Variants in IK observed in about 807,000 individuals in gnomAD.
The protein encoded by IK is IK cytokine, also known as protein Red.
IK carries 47 observed loss-of-function variants against 90.9 expected under a neutral mutation model. The ratio of observed to expected loss-of-function variants is 0.52; its 90% CI spans 0.41 to 0.66. The LOEUF (loss-of-function observed/expected upper bound fraction) is 0.66, where lower values mean the gene tolerates loss of function less well. Among genes scored for constraint, IK ranks in the 30% least tolerant of loss-of-function variants. The pLI is 0.00. For missense variants in IK, 385 were observed against 709.3 expected (o/e 0.54, Z 5.19); for synonymous variants, 201 against 227.5 (o/e 0.88, Z 1.05).
chr5:140,654,776 C>T (rs370880965), intron 8 of IK, 49 bp downstream of exon 8: 57 of 1,215,066 alleles, frequency 4.7e-5, no homozygotes, highest in African/African-American at 1.4e-4. Flanking sequence ...ATGAATTGTA[C>T]GGAATTTAAT....
chr5:140,657,662 G>A lies in IK; in HGVS notation c.910G>A (p.Gly304Arg). 6.3e-7 allele frequency: 1 copy of A among 1,593,174 alleles called. No individual in the cohort carries two copies. The highest frequency in any genetic ancestry group is 8.6e-7 in the Non-Finnish European group (1 of 1,161,826). The part of the protein sequence containing the change: ...RNKKLKKKDK[G>R]KLEEKKPPEA... ...CAAGAAGCTTAAGAAGAAGGATAAA[G>A]GTACCTGGAGGGTTAGAGAGAGAAG... The change falls in exon 10 of 20, where the codon GGG becomes AGG. Residue 304 changes from glycine (G) to arginine (R), a missense_variant and splice_region_variant. Around this residue, in one of 8 missense-constraint regions of IK, gnomAD observed 139 missense variants for 172.0 expected, o/e 0.81. Coordinates refer to ENST00000417647, the MANE Select transcript of IK (RefSeq NM_006083.4).
rs1177181637 is a variant in IK at position 140,649,213 on chromosome 5, C to CT, written c.83+691dup. 8.9e-3 allele frequency among the ~76,000 whole-genome samples: 1,180 copies of CT among 132,456 alleles called. 4 individuals carry two copies. The highest frequency in any genetic ancestry group is 0.033 in the East Asian group (149 of 4,500). The allele number at this position is 132,456 out of a possible 152,430, so 86.9% of individuals were successfully genotyped here. Reference sequence around the variant, plus strand: ...TTTTTTCTTTTCTTTTCTTTTCTTTCTTTTTTTTTTTTTTTGAGACGGAGT... The same window carrying CT: ...TTTTTTCTTTTCTTTTCTTTTCTTTCTTTTTTTTTTTTTTTTGAGACGGAGT... On this transcript the variant is annotated intron_variant, in intron 2 of 19. Coordinates refer to ENST00000417647, the MANE Select transcript of IK (RefSeq NM_006083.4).
Position 140,648,351 on chromosome 5 carries a change from G to C in IK, c.17-120G>C, listed in dbSNP as rs1757532351. 3.4e-6 allele frequency: 3 copies of C among 889,468 alleles called. No individual in the cohort carries two copies. In the Admixed American group the frequency reaches 5.2e-5, roughly 15 times the overall value. The allele number at this position is 889,468 out of a possible 1,614,324, so 55.1% of individuals were successfully genotyped here. A position where few individuals can be genotyped will look rare whatever the true frequency, so the allele number is the denominator to read the frequency against. On this transcript the variant is annotated intron_variant, in intron 1 of 19. Coordinates refer to ENST00000417647, the MANE Select transcript of IK (RefSeq NM_006083.4). Reference sequence around the variant, plus strand: ...TTCCTATTTCAGCACTTATTACATTGTGTTGACACTGTCGCTGTTCTAACT... The same window carrying C: ...TTCCTATTTCAGCACTTATTACATTCTGTTGACACTGTCGCTGTTCTAACT...
intron 2 of IK, among the ~76,000 whole-genome samples, chr5:140,649,974 T>C (rs1046298641): frequency 7.2e-5 from 11 of 152,254 alleles, no homozygotes; most frequent in Admixed American, 5.9e-4. Context: ...TTTTAAACCC[T>C]GCTCAGTGTT....
Position 140,661,482 on chromosome 5 carries a change from T to G in IK, c.1414-138T>G. On this transcript the variant is annotated intron_variant, in intron 16 of 19. Transcript: ENST00000417647. This position sits in a 1 kb window ranked among gnomAD's most constrained non-coding sequence, Gnocchi z 4.2. ...CACATAGTAAGTATGTAATAAGCAT[T>G]TATTATTACTTATCAGGGTATGATT... The G allele has an allele frequency of 1.6e-6, 1 of 631,658 alleles. No homozygotes were observed. Among genetic ancestry groups the G allele is most frequent in the Non-Finnish European group, 2.9e-6 (1 of 349,404 alleles). 39.1% of individuals were successfully genotyped at this position (631,658 alleles called of 1,614,324 possible).
In IK at chr5:140,648,537, A is replaced by G; in HGVS notation, c.83A>G (p.Gln28Arg). Residue 28 changes from glutamine (Q) to arginine (R), a missense_variant and splice_region_variant, in exon 2 of 20, where the codon CAA becomes CGA. This residue lies in a region of IK where 42 missense variants were observed against 37.9 expected (regional missense o/e 1.11). Coordinates refer to ENST00000417647, the MANE Select transcript of IK (RefSeq NM_006083.4). ...GTGGATGATCCTCACTCCTTCCACC[A>G]GTGAGTATTTTGTGCTAGGACCATG... ...HDVDDPHSFH[Q>R]SKLTNEDFRK... 1.2e-6 allele frequency: 2 copies of G among 1,613,702 alleles called. No homozygotes were observed. The highest frequency in any genetic ancestry group is 1.7e-6 in the Non-Finnish European group (2 of 1,179,618).
intron 1 of IK, 199 bp downstream of exon 1, chr5:140,648,123 C>T (rs755574127): frequency 1.4e-6 from 1 of 729,240 alleles, no homozygotes; most frequent in Middle Eastern, 2.3e-4. Context: ...ACTCCGTCCC[C>T]AGTCCTCACT....
intron 10 of IK, among the ~76,000 whole-genome samples, chr5:140,658,484 AT>A (rs1373598582): frequency 6.6e-6 from 1 of 151,094 alleles, no homozygotes; most frequent in East Asian, 2.0e-4. Flanking sequence ...CACCCGGCTA[AT>A]TTTTTTGTAC....
At chr5:140,652,953 A>G (rs1757640675) in intron 4 of IK, 24 bp from the exon 5 acceptor site, 1 of 1,611,208 alleles carries the variant, frequency 6.2e-7, no homozygotes, top group Non-Finnish European at 8.5e-7. Context: ...TGAGCCTTAT[A>G]CATTTGCCTT....
At position 140,659,311 on chromosome 5, in the gene IK, C is replaced by G; in HGVS notation, c.1177-4C>G. ...ACTAACTTCACATTTTGTGTTCTTT[C>G]CAGCCCATGGACGTTGACAAAGGTG... On this transcript the variant is annotated splice_region_variant and splice_polypyrimidine_tract_variant and intron_variant, in intron 12 of 19. Transcript: ENST00000417647. The G allele has an allele frequency of 6.2e-7, 1 of 1,613,928 alleles. No individual in the cohort carries two copies. The highest frequency in any genetic ancestry group is 8.5e-7 in the Non-Finnish European group (1 of 1,179,836).
intron 10 of IK, among the ~76,000 whole-genome samples, chr5:140,657,999 T>TTTTA (rs1414275297): frequency 6.6e-6 from 1 of 152,208 alleles, no homozygotes; most frequent in Non-Finnish European, 1.5e-5. Flanking sequence ...TTTTATTTTA[T>TTTTA]TTTATTTATT....
Position 140,648,490 on chromosome 5 carries a change from T to C in IK, c.36T>C (p.Pro12=), listed in dbSNP as rs2149804337. 1 of 1,613,990 alleles carries C rather than the reference T, an allele frequency of 6.2e-7. No homozygotes were observed. Among genetic ancestry groups the C allele is most frequent in the East Asian group, 2.2e-5 (1 of 44,876 alleles). ...TGTCAGGTGAGCCGTTCTCCAACCCTTTGGCCCCCGATGGCCACGATGTGG... is the reference window on the plus strand; with the variant it reads ...TGTCAGGTGAGCCGTTCTCCAACCCCTTGGCCCCCGATGGCCACGATGTGG... ...PERDSEPFSN[P]LAPDGHDVDD... is the part of the protein sequence containing the mutation. Residue 12 remains proline, a synonymous_variant, in exon 2 of 20, where the codon CCT becomes CCC. Coordinates refer to ENST00000417647, the MANE Select transcript of IK (RefSeq NM_006083.4).
At chr5:140,660,419 TC>T in intron 15 of IK, 1 of 523,682 alleles carries the variant, frequency 1.9e-6, no homozygotes, top group Non-Finnish European at 3.4e-6. Flanking sequence ...TGCCTCACCC[TC>T]CCAAGTAGCT....
rs149630358 is a variant in IK at position 140,655,722 on chromosome 5, C to T, written c.638-107C>T. 1,765 of 1,085,926 alleles carry T rather than the reference C, an allele frequency of 1.6e-3. 25 individuals are homozygous for T. Among genetic ancestry groups the T allele is most frequent in the South Asian group, 0.014 (898 of 65,142 alleles). The allele number at this position is 1,085,926 out of a possible 1,614,324, so 67.3% of individuals were successfully genotyped here. ...TAGGGCTGTTGCAAAGATTAAATGA[C>T]GCAAAGCTTGCATAGCACTTGGCAT... On this transcript the variant is annotated intron_variant, in intron 8 of 19. Transcript: ENST00000417647.
rs1175106105 is a variant in IK at position 140,648,034 on chromosome 5, GTGTGTGTGTGTATGTATGTA to G, written c.16+117_16+136del. 14 of 1,054,470 alleles carry G rather than the reference GTGTGTGTGTGTATGTATGTA, an allele frequency of 1.3e-5. No homozygotes were observed. The East Asian group carries it at 2.6e-4, about 20-fold the overall frequency. 65.3% of individuals were successfully genotyped at this position (1,054,470 alleles called of 1,614,324 possible). On this transcript the variant is annotated intron_variant, in intron 1 of 19. Transcript: ENST00000417647. ...TGTGTGTGTGTGTGTGTGTGTGTGTGTGTGTGTGTGTATGTATGTATGTGTGACGCTTGAGCCCGGAGAAG... is the reference window on the plus strand; with the variant it reads ...TGTGTGTGTGTGTGTGTGTGTGTGTGTGTGTGACGCTTGAGCCCGGAGAAG...
At chr5:140,652,880 A>T (rs1454952875) in intron 4 of IK, 97 bp from the exon 5 acceptor site, 1 of 1,071,144 alleles carries the variant, frequency 9.3e-7, no homozygotes, top group Non-Finnish European at 1.4e-6. Context: ...CCCCATAGAG[A>T]GTAGGTTGGA....
intron 1 of IK, 26 bp from the exon 2 acceptor site, chr5:140,648,445 A>T (rs1427298674): frequency 1.2e-6 from 2 of 1,611,684 alleles, no homozygotes; most frequent in South Asian, 1.1e-5. Flanking sequence ...GAGACTGATT[A>T]AATTAACGTC....
At position 140,650,349 on chromosome 5, in the gene IK, G is replaced by A. The variant is rs184135198; in HGVS notation, c.84-1365G>A. Among the ~76,000 whole-genome samples the A allele has an allele frequency of 7.2e-5, 11 of 152,212 alleles. No homozygotes were observed. In the East Asian group the frequency reaches 1.7e-3, roughly 24 times the overall value. ...GGAAAACTTTCTGTGAACTGACTTA[G>A]GATTCCTTTTTAAAACTGAGGTCAG... On this transcript the variant is annotated intron_variant, in intron 2 of 19. Coordinates refer to ENST00000417647, the MANE Select transcript of IK (RefSeq NM_006083.4).
In IK at chr5:140,659,796, A is replaced by C; in HGVS notation, c.1236A>C (p.Glu412Asp). The change falls in exon 14 of 20, where the codon GAA (glutamate) becomes GAC (aspartate). Residue 412 changes from glutamate (E) to aspartate (D), a missense_variant. This residue lies in a region of IK where 139 missense variants were observed against 172.0 expected (regional missense o/e 0.81). Transcript: ENST00000417647. ...STKELIKSIN[E>D]KFAGSAGWEG... ...AGGAGTTGATCAAGTCCATCAATGA[A>C]AAGTTTGCTGGGTCTGCTGGCTGGG... 1 of 1,601,344 alleles carries C rather than the reference A, an allele frequency of 6.2e-7. No individual in the cohort carries two copies. The highest frequency in any genetic ancestry group is 8.5e-7 in the Non-Finnish European group (1 of 1,173,686).
Sources: allele counts gnomAD v4.1 joint callset (sites outside exome capture counted in the v4.1 genomes callset), GRCh38; gene constraint gnomAD v4.1.1; regional missense constraint gnomAD v4.1.1; non-coding constraint Gnocchi (gnomAD v3.1); transcripts MANE v1.5; gene names NCBI Gene and HGNC (gene_info 2026-07-23, HGNC 2026-07-21).